The following DLGAP1 variants were observed in gnomAD, a reference collection of about 807,000 sequenced individuals.
DLGAP1 encodes the protein DLG associated protein 1.
In DLGAP1, 11 loss-of-function variants were observed where a neutral mutation model predicts 90.8. The ratio of observed to expected loss-of-function variants is 0.12; its 90% confidence interval spans 0.08 to 0.20. The LOEUF (loss-of-function observed/expected upper bound fraction) is 0.20, where lower values mean the gene tolerates loss of function less well. Among genes scored for constraint, DLGAP1 ranks in the 10% least tolerant of loss-of-function variants. The pLI is 1.00. For synonymous variants in DLGAP1, 558 were observed against 540.7 expected, an observed-to-expected ratio of 1.03 and a Z score of -0.44; for missense variants, 1,050 against 1,333.8, an observed-to-expected ratio of 0.79 and a Z score of 3.31.
At chr18:3,802,412 G>C (rs1414794076) in intron 5 of DLGAP1, among the ~76,000 whole-genome samples, 1 of 152,174 alleles carries the variant, frequency 6.6e-6, no homozygotes, top group Non-Finnish European at 1.5e-5. Context: ...ACTTAGAAAA[G>C]TCCTCACTTT....
intron 7 of DLGAP1, among the ~76,000 whole-genome samples, chr18:3,616,802 G>A (rs1409729071): frequency 1.3e-5 from 2 of 151,912 alleles, no homozygotes; most frequent in Non-Finnish European, 2.9e-5. Flanking sequence ...AGAGGTGGAC[G>A]AATTCCCTTT....
rs557859456 is a variant in DLGAP1 at position 3,616,622 on chromosome 18, G to A, written c.1592-34374C>T. Among the ~76,000 whole-genome samples, 250 of 152,138 alleles carry A rather than the reference G, an allele frequency of 1.6e-3. 4 individuals are homozygous for A. The highest frequency in any genetic ancestry group is 2.5e-4 in the Non-Finnish European group (17 of 68,004). ...AAAAAAAAATTAGCCTGCTGTGGTG[G>A]CGTGCACCTGTAGTCCCAGCTACTC... On this transcript the variant is annotated intron_variant, in intron 7 of 12. Transcript: ENST00000315677.
intron 1 of DLGAP1, among the ~76,000 whole-genome samples, chr18:4,249,972 T>C (rs908816089): frequency 6.6e-6 from 1 of 152,220 alleles, no homozygotes; most frequent in Non-Finnish European, 1.5e-5. Flanking sequence ...TTATGTCTGA[T>C]AGCCTTTAAG....
intron 3 of DLGAP1, among the ~76,000 whole-genome samples, chr18:3,885,860 T>C (rs1294762226): frequency 1.3e-5 from 2 of 152,196 alleles, no homozygotes; most frequent in African/African-American, 2.4e-5. Context: ...AGCAGAATTA[T>C]CACTGTCCAG....
intron 1 of DLGAP1, among the ~76,000 whole-genome samples, chr18:4,226,344 T>C: frequency 6.6e-6 from 1 of 151,992 alleles, no homozygotes; most frequent in East Asian, 1.9e-4. Context: ...ATGACCAATA[T>C]CTGAAGGTAT....
intron 7 of DLGAP1, among the ~76,000 whole-genome samples, chr18:3,591,786 G>C (rs1250846163): frequency 2.0e-5 from 3 of 152,098 alleles, no homozygotes; most frequent in Non-Finnish European, 4.4e-5. Flanking sequence ...GAGGGCTCTT[G>C]CTTAGAGGAT....
intron 3 of DLGAP1, among the ~76,000 whole-genome samples, chr18:4,004,008 A>T (rs1357928986): frequency 6.6e-6 from 1 of 152,188 alleles, no homozygotes; most frequent in Admixed American, 6.5e-5. Flanking sequence ...TTTCTGAGGA[A>T]CCCACAGAAG....
intron 7 of DLGAP1, among the ~76,000 whole-genome samples, chr18:3,623,696 G>C (rs1253968689): frequency 1.4e-5 from 2 of 146,490 alleles, no homozygotes; most frequent in Non-Finnish European, 3.0e-5. Flanking sequence ...AGAATCGCTT[G>C]AACCTGGGAG....
rs1046732880 is a variant in DLGAP1 at position 3,502,361 on chromosome 18, T to A, written c.2724+132A>T. 17 of 1,454,496 alleles carry A rather than the reference T, an allele frequency of 1.2e-5. No individual in the cohort carries two copies. In the African/African-American group the frequency reaches 2.1e-4, roughly 18 times the overall value. 90.1% of individuals were successfully genotyped at this position (1,454,496 alleles called of 1,614,324 possible). A position where few individuals can be genotyped will look rare whatever the true frequency, so the allele number is the denominator to read the frequency against. ...ATGATTACTATGTAAACATTGTCATTACAATGAAATTAATATGATATCAGC... is the reference window on the plus strand; with the variant it reads ...ATGATTACTATGTAAACATTGTCATAACAATGAAATTAATATGATATCAGC... On this transcript the variant is annotated intron_variant, in intron 12 of 12. Coordinates refer to ENST00000315677, the MANE Select transcript of DLGAP1 (RefSeq NM_004746.4).
At chr18:4,401,311 A>G (rs1241443932) in intron 1 of DLGAP1, among the ~76,000 whole-genome samples, 1 of 152,152 alleles carries the variant, frequency 6.6e-6, no homozygotes, top group African/African-American at 2.4e-5. Flanking sequence ...AAATCTTTTA[A>G]CCTCATCTTT....
chr18:3,872,332 T>C (rs1417950104), intron 4 of DLGAP1, among the ~76,000 whole-genome samples: 1 of 152,026 alleles, frequency 6.6e-6, no homozygotes, highest in African/African-American at 2.4e-5. Flanking sequence ...TATCTCTGTG[T>C]AACAGTAATT....
At chr18:3,795,237 C>T (rs1598776141) in intron 5 of DLGAP1, among the ~76,000 whole-genome samples, 1 of 152,126 alleles carries the variant, frequency 6.6e-6, no homozygotes, top group Admixed American at 6.5e-5. Context: ...TTGAAACAGA[C>T]ACAGAGATTT....
intron 3 of DLGAP1, among the ~76,000 whole-genome samples, chr18:4,002,302 C>G (rs12957438): frequency 0.88 from 134,426 of 152,104 alleles, 59,781 homozygotes; most frequent in African/African-American, 0.97. Flanking sequence ...TATGTTAACA[C>G]GTTTTCTGAT....
intron 3 of DLGAP1, among the ~76,000 whole-genome samples, chr18:3,933,195 C>A (rs937135749): frequency 6.6e-6 from 1 of 152,166 alleles, no homozygotes; most frequent in Admixed American, 6.5e-5. Flanking sequence ...CCTGAGTCAC[C>A]ATCTTGGCCC....
At chr18:4,206,594 C>A (rs1416127230) in intron 1 of DLGAP1, among the ~76,000 whole-genome samples, 1 of 152,126 alleles carries the variant, frequency 6.6e-6, no homozygotes, top group African/African-American at 2.4e-5. Context: ...CATCAGCATG[C>A]ATGGCTCTGC....
intron 10 of DLGAP1, among the ~76,000 whole-genome samples, chr18:3,524,391 CT>C (rs1165399029): frequency 6.6e-6 from 1 of 152,138 alleles, no homozygotes; most frequent in East Asian, 1.9e-4. Flanking sequence ...CATAGATGGA[CT>C]GGAGGACCTT....
intron 3 of DLGAP1, among the ~76,000 whole-genome samples, chr18:3,941,263 G>C (rs1371271729): frequency 2.0e-5 from 3 of 152,172 alleles, no homozygotes; most frequent in Non-Finnish European, 4.4e-5. Flanking sequence ...CTGGCCAATG[G>C]TTTGCACTTG....
rs2078711635 is a variant in DLGAP1, at chr18:4,248,806, C to T, written c.-266-97519G>A. ...AACCTACCGAATGGCTTCCTTTGTT[C>T]CTCAGAGTAAGGCCTAAGTCATCAT... On this transcript the variant is annotated intron_variant, in intron 1 of 12. Transcript: ENST00000315677. 2.0e-5 allele frequency: 3 copies of T among 152,510 alleles called. No individual in the cohort carries two copies. In the South Asian group the frequency reaches 6.2e-4, roughly 32 times the overall value. 9.4% of individuals were successfully genotyped at this position (152,510 alleles called of 1,614,324 possible). A position where few individuals can be genotyped will look rare whatever the true frequency, so the allele number is the denominator to read the frequency against.
At chr18:4,390,295 G>A (rs1273133135) in intron 1 of DLGAP1, among the ~76,000 whole-genome samples, 2 of 152,026 alleles carry the variant, frequency 1.3e-5, no homozygotes, top group Non-Finnish European at 2.9e-5. Flanking sequence ...GTCCCCACAT[G>A]TTCACAACAC....
Sources: gnomAD v4.1 joint callset for allele counts (sites outside exome capture counted in the v4.1 genomes callset) on GRCh38, gnomAD v4.1.1 for gene constraint, MANE v1.5 for transcripts, NCBI Gene and HGNC (gene_info 2026-07-23, HGNC 2026-07-21) for gene names.